HSPG2: variants seen among roughly 807,000 people sequenced by gnomAD.
The protein encoded by HSPG2 is basement membrane-specific heparan sulfate proteoglycan core protein.
In HSPG2, 278 loss-of-function variants were observed where a neutral mutation model predicts 526.6. That is an observed-to-expected ratio of 0.53 (90% CI 0.48 to 0.58). The LOEUF is 0.58. Among genes scored for constraint, HSPG2 ranks in the 20% least tolerant of loss-of-function variants. The pLI, the probability that HSPG2 is intolerant of heterozygous loss-of-function variation, is 0.00. For missense variants in HSPG2, 5,354 were observed against 6,099.5 expected (o/e 0.88, Z 4.07); for synonymous variants, 2,465 against 2,555.4 (o/e 0.96, Z 1.07).
intron 33 of HSPG2, chr1:21,869,544 C>A (rs1640489423): frequency 1.4e-5 from 14 of 987,326 alleles, no homozygotes; most frequent in Non-Finnish European, 1.7e-5. Context: ...GTGCTGCTCG[C>A]AGAGCAGCTG....
chr1:21,829,754 AG>A, intron 86 of HSPG2, 150 bp from the exon 87 acceptor site: 1 of 741,596 alleles, frequency 1.3e-6, no homozygotes, highest in South Asian at 1.8e-5. Context: ...GTGGCACAGG[AG>A]CCCCCCTGCC....
At chr1:21,915,936 A>G (rs1003354300) in intron 1 of HSPG2, among the ~76,000 whole-genome samples, 3 of 151,948 alleles carry the variant, frequency 2.0e-5, no homozygotes, top group Admixed American at 2.0e-4. Context: ...CTGTAATCCC[A>G]GCTACTCGGG....
At chr1:21,913,075 T>C (rs564961723) in intron 1 of HSPG2, among the ~76,000 whole-genome samples, 15 of 152,124 alleles carry the variant, frequency 9.9e-5, no homozygotes, top group South Asian at 6.2e-4. Flanking sequence ...AGCAACTCGA[T>C]TGGCAGAGGC....
At chr1:21,892,724 A>G (rs564361575) in intron 3 of HSPG2, among the ~76,000 whole-genome samples, 2 of 152,198 alleles carry the variant, frequency 1.3e-5, no homozygotes, top group East Asian at 3.9e-4. Context: ...CAGGCGTGGT[A>G]GTGCATGCCT....
intron 1 of HSPG2, among the ~76,000 whole-genome samples, chr1:21,932,343 T>C (rs958906969): frequency 6.6e-6 from 1 of 152,140 alleles, no homozygotes; most frequent in Non-Finnish European, 1.5e-5. Context: ...CATCTCTGAG[T>C]GTGTGGATAT....
At chr1:21,907,734 G>A (rs1185225881) in intron 1 of HSPG2, among the ~76,000 whole-genome samples, 3 of 151,988 alleles carry the variant, frequency 2.0e-5, no homozygotes, top group Non-Finnish European at 2.9e-5. Context: ...GGCTGGTCTC[G>A]AACTCCTGGT....
At position 21,854,616 on chromosome 1, in the gene HSPG2, T is replaced by C. The variant is rs1639188044; in HGVS notation, c.6283A>G (p.Thr2095Ala). 2 of 1,563,088 alleles carry C rather than the reference T, an allele frequency of 1.3e-6. No homozygotes were observed. Among genetic ancestry groups the C allele is most frequent in the Non-Finnish European group, 1.7e-6 (2 of 1,151,962 alleles). The change falls in exon 49 of 97, where the codon ACC becomes GCC. Residue 2095 changes from threonine (T) to alanine (A), a missense_variant. Thr to Ala is a moderately conservative substitution (Grantham distance 58). Coordinates refer to ENST00000374695, the MANE Select transcript of HSPG2 (RefSeq NM_005529.7). ...YRRGGSLPPH[T>A]QVHGSRLRLP... is the part of the protein sequence containing the mutation. ...TAGGCTCAGGGCCCACATACCTGGG[T>C]GTGGGGAGGCAGGCTACCCCCTCGC...
At chr1:21,856,184 G>A (rs369299030) in intron 44 of HSPG2, among the ~76,000 whole-genome samples, 5 of 152,108 alleles carry the variant, frequency 3.3e-5, no homozygotes, top group African/African-American at 4.8e-5. Flanking sequence ...GCCCACACCC[G>A]TCCTCCCTCC....
rs908315087 is a variant in HSPG2 at position 21,833,022 on chromosome 1, T to C, written c.11095+246A>G. 1.5e-5 allele frequency: 9 copies of C among 586,268 alleles called. No individual in the cohort carries two copies. The African/African-American group carries it at 1.7e-4, about 11-fold the overall frequency. 36.3% of individuals were successfully genotyped at this position (586,268 alleles called of 1,614,324 possible). On this transcript the variant is annotated intron_variant, in intron 80 of 96. Coordinates refer to ENST00000374695, the MANE Select transcript of HSPG2 (RefSeq NM_005529.7). ...GCTGGGACAGGAGGACTGGGGGTGA[T>C]GCCCCGGTGGCAGAGGAGCCACGAG... is the stretch of plus-strand genomic sequence containing the variant.
chr1:21,854,647 C>G lies in HSPG2; in HGVS notation c.6252G>C (p.Trp2084Cys), dbSNP rs1639191033. The G allele has an allele frequency of 6.3e-7, 1 of 1,593,186 alleles. No homozygotes were observed. The highest frequency in any genetic ancestry group is 1.3e-5 in the African/African-American group (1 of 74,644). The change falls in exon 49 of 97, where the codon TGG becomes TGC. Residue 2084 changes from tryptophan (W) to cysteine (C), a missense_variant. Physicochemically the swap from Trp to Cys is radical, Grantham distance 215. Coordinates refer to ENST00000374695, the MANE Select transcript of HSPG2 (RefSeq NM_005529.7). ...GAGGCAGGCTACCCCCTCGCCTGTA[C>G]CAGGTGACCTGGGCATGGGCTGACC... ...VAGSAHAQVT[W>C]YRRGGSLPPH...
In HSPG2 at chr1:21,842,822, T is replaced by G. The variant is rs547101545; in HGVS notation, c.8858A>C (p.His2953Pro). The G allele has an allele frequency of 6.2e-7, 1 of 1,614,006 alleles. No homozygotes were observed. The highest frequency in any genetic ancestry group is 2.2e-5 in the East Asian group (1 of 44,880). ...DLNCVVPGQA[H>P]AQVTWYKRGG... ...GCGCTTGTACCACGTGACCTGGGCA[T>G]GGGCCTGCCCGGGCACCACACAGTT... The change falls in exon 67 of 97, where the codon CAT becomes CCT. Residue 2953 changes from histidine (H) to proline (P), a missense_variant. By Grantham distance (77) the His-to-Pro change is moderately conservative (BLOSUM62 -2). Coordinates refer to ENST00000374695, the MANE Select transcript of HSPG2 (RefSeq NM_005529.7).
rs1055411528 is a variant in HSPG2, at chr1:21,865,130, A to G, written c.4396-57T>C. 4 of 1,539,854 alleles carry G rather than the reference A, an allele frequency of 2.6e-6. No homozygotes were observed. In the African/African-American group the frequency reaches 4.1e-5, roughly 16 times the overall value. On this transcript the variant is annotated intron_variant, in intron 35 of 96. Transcript: ENST00000374695. The surrounding 1 kb of genome is among the most constrained non-coding windows in gnomAD (Gnocchi z 5.4). ...AGTGGGCTTTGTGGGCTGCTCCTAC[A>G]GTTACCACCCCCCAAATCCTGCCTT...
chr1:21,860,393 G>T (rs557767127), intron 39 of HSPG2, among the ~76,000 whole-genome samples, 158 bp from the exon 40 acceptor site: 1 of 152,212 alleles, frequency 6.6e-6, no homozygotes, highest in African/African-American at 2.4e-5. Flanking sequence ...CCCAACGCAG[G>T]GTGCTGGTGA....
At chr1:21,901,012 GT>G (rs1325691983) in intron 1 of HSPG2, among the ~76,000 whole-genome samples, 2 of 152,142 alleles carry the variant, frequency 1.3e-5, no homozygotes, top group African/African-American at 4.8e-5. Context: ...TATTACCGTT[GT>G]TTGATCATGG....
chr1:21,832,732 CCT>C, intron 80 of HSPG2, 126 bp from the exon 81 acceptor site: 1 of 698,624 alleles, frequency 1.4e-6, no homozygotes, highest in South Asian at 1.6e-5. Flanking sequence ...CTCTGGCACT[CCT>C]CACACAGCCA....
chr1:21,927,689 C>T (rs1362196823), intron 1 of HSPG2, among the ~76,000 whole-genome samples: 1 of 152,300 alleles, frequency 6.6e-6, no homozygotes, highest in Non-Finnish European at 1.5e-5. Flanking sequence ...CAGGCCACAC[C>T]CTGGGGTGTG....
At position 21,928,836 on chromosome 1, in the gene HSPG2, G is replaced by A. The variant is rs902795942; in HGVS notation, c.63+8319C>T. On this transcript the variant is annotated intron_variant, in intron 1 of 96. Coordinates refer to ENST00000374695, the MANE Select transcript of HSPG2 (RefSeq NM_005529.7). ...GCGATCTCAGCTCACCACAACCTCCGCCTCCCGGGTTCAAGTGATTCTCCT... is the reference window on the plus strand; with the variant it reads ...GCGATCTCAGCTCACCACAACCTCCACCTCCCGGGTTCAAGTGATTCTCCT... Among the ~76,000 whole-genome samples the A allele has an allele frequency of 2.6e-5, 4 of 151,542 alleles. 1 individual carries two copies. The highest frequency in any genetic ancestry group is 4.4e-5 in the Non-Finnish European group (3 of 67,956).
rs554936400 is a variant in HSPG2, at chr1:21,888,071, A to C, written c.575-5T>G. Reference sequence around the variant, plus strand: ...AGGCTCTTGGGAACTGGGGCACTGCAGGTGGAAAGGAAGCAGACTGGAGTC... The same window carrying C: ...AGGCTCTTGGGAACTGGGGCACTGCCGGTGGAAAGGAAGCAGACTGGAGTC... On this transcript the variant is annotated splice_polypyrimidine_tract_variant and splice_region_variant and intron_variant, in intron 6 of 96. Transcript: ENST00000374695. 3.1e-6 allele frequency: 5 copies of C among 1,614,022 alleles called. No individual in the cohort carries two copies. In the South Asian group the frequency reaches 4.4e-5, roughly 14 times the overall value.
intron 76 of HSPG2, 93 bp downstream of exon 76, chr1:21,835,447 G>T: frequency 1.2e-6 from 1 of 828,958 alleles, no homozygotes; most frequent in Non-Finnish European, 2.1e-6. Context: ...CATTTAGGGG[G>T]ATTCCTAGGG....
Sources: gnomAD v4.1 joint callset for allele counts (sites outside exome capture counted in the v4.1 genomes callset) on GRCh38, gnomAD v4.1.1 for gene constraint, Gnocchi (gnomAD v3.1) non-coding constraint, MANE v1.5 for transcripts, NCBI Gene and HGNC (gene_info 2026-07-23, HGNC 2026-07-21) for gene names.